Variants in MTBP observed in about 807,000 individuals in gnomAD.
MTBP encodes the protein mdm2-binding protein.
In MTBP, 101 loss-of-function variants were observed where a neutral mutation model predicts 117.0. The ratio of observed to expected loss-of-function variants is 0.86; its 90% CI spans 0.73 to 1.02. The LOEUF is 1.02. MTBP is among the 50% of genes least tolerant of loss of function. The pLI, the probability that MTBP is intolerant of heterozygous loss-of-function variation, is 0.00. For synonymous variants in MTBP, 350 were observed against 351.5 expected (o/e 1.00, Z 0.05); for missense variants, 970 against 1,030.9 (o/e 0.94, Z 0.81).
intron 4 of MTBP, among the ~76,000 whole-genome samples, chr8:120,453,546 T>A (rs1385015777): frequency 6.6e-6 from 1 of 152,148 alleles, no homozygotes; most frequent in Non-Finnish European, 1.5e-5. Context: ...TAGTTATAAT[T>A]TAGGGAGTTT....
rs1302490336 is a variant in MTBP, at chr8:120,510,928, AG to A, written c.1979+900del. 1.3e-3 allele frequency among the ~76,000 whole-genome samples: 194 copies of A among 150,752 alleles called. 1 individual carries two copies. The highest frequency in any genetic ancestry group is 2.0e-3 in the Non-Finnish European group (137 of 67,582). ...TGTCTCAAGAAAAAAAAAAAAAAAA[AG>A]AATTTGAAGACTTTGAAATTAGCAG... On this transcript the variant is annotated intron_variant, in intron 17 of 21. Coordinates refer to ENST00000305949, the MANE Select transcript of MTBP (RefSeq NM_022045.5).
chr8:120,521,171 G>A (rs1815002544), intron 20 of MTBP, among the ~76,000 whole-genome samples: 1 of 152,042 alleles, frequency 6.6e-6, no homozygotes, highest in Non-Finnish European at 1.5e-5. Context: ...ATACTTCAGG[G>A]CTTGAAAAAA....
chr8:120,479,333 G>T (rs981621277), intron 11 of MTBP, among the ~76,000 whole-genome samples: 2 of 152,138 alleles, frequency 1.3e-5, no homozygotes, highest in African/African-American at 4.8e-5. Context: ...CAGTACAAGT[G>T]ATCTATAAAT....
intron 18 of MTBP, 110 bp downstream of exon 18, chr8:120,516,301 A>G: frequency 3.0e-6 from 3 of 1,013,908 alleles, no homozygotes; most frequent in Non-Finnish European, 4.2e-6. Context: ...CATGGCAAGA[A>G]GTTTGTTTTA....
chr8:120,503,203 T>C (rs964607476), intron 15 of MTBP, among the ~76,000 whole-genome samples: 1 of 152,200 alleles, frequency 6.6e-6, no homozygotes, highest in Admixed American at 6.5e-5. Flanking sequence ...ATGGGTAGTA[T>C]TTTATTACTT....
At chr8:120,516,716 A>G (rs1313001831) in intron 18 of MTBP, among the ~76,000 whole-genome samples, 1 of 152,072 alleles carries the variant, frequency 6.6e-6, no homozygotes, top group Non-Finnish European at 1.5e-5. Context: ...CTTGATCAGA[A>G]GTTAGAAGTT....
rs188476660 is a variant in MTBP, at chr8:120,476,232, G to T, written c.1165+5295G>T. The stretch of plus-strand genomic sequence containing the variant: ...CCCTTCATGCTAAAACTCTCAATAA[G>T]CTAGGTATTGATGGAACATATCTCA... On this transcript the variant is annotated intron_variant, in intron 11 of 21. Coordinates refer to ENST00000305949, the MANE Select transcript of MTBP (RefSeq NM_022045.5). Among the ~76,000 whole-genome samples, 27 of 152,046 alleles carry T rather than the reference G, an allele frequency of 1.8e-4. 1 individual carries two copies. The East Asian group carries it at 4.6e-3, about 26-fold the overall frequency.
intron 9 of MTBP, 40 bp downstream of exon 9, chr8:120,461,295 C>G (rs1234430352): frequency 7.3e-7 from 1 of 1,370,102 alleles, no homozygotes. Context: ...ATTACATTTT[C>G]TGTGTCAGGT....
chr8:120,449,534 C>T (rs564130547), intron 2 of MTBP, among the ~76,000 whole-genome samples: 1 of 152,014 alleles, frequency 6.6e-6, no homozygotes, highest in Non-Finnish European at 1.5e-5. Context: ...GGCAAAAAAA[C>T]CCAATTATTT....
chr8:120,462,851 T>C (rs1434327669), intron 9 of MTBP, among the ~76,000 whole-genome samples: 1 of 152,184 alleles, frequency 6.6e-6, no homozygotes, highest in Non-Finnish European at 1.5e-5. Context: ...TGTTCTACCC[T>C]AAATATTGGG....
intron 13 of MTBP, among the ~76,000 whole-genome samples, chr8:120,493,711 G>A (rs1369355397): frequency 1.3e-5 from 2 of 151,966 alleles, no homozygotes; most frequent in Admixed American, 6.6e-5. Flanking sequence ...GGCTGGTCTC[G>A]AACTCTGGAC....
chr8:120,503,792 A>C lies in MTBP; in HGVS notation c.1727+1183A>C, dbSNP rs564663414. On this transcript the variant is annotated intron_variant, in intron 15 of 21. Transcript: ENST00000305949. Reference sequence around the variant, plus strand: ...AACTAGAGCAGTAGTAGTGGAAATAAATTTGGGAGATAACGTTAGTGGTAA... The same window carrying C: ...AACTAGAGCAGTAGTAGTGGAAATACATTTGGGAGATAACGTTAGTGGTAA... Among the ~76,000 whole-genome samples the C allele has an allele frequency of 2.6e-5, 4 of 152,250 alleles. No individual in the cohort carries two copies. In the South Asian group the frequency reaches 8.3e-4, roughly 32 times the overall value.
chr8:120,513,199 T>G (rs545359169), intron 17 of MTBP, among the ~76,000 whole-genome samples: 36 of 152,230 alleles, frequency 2.4e-4, no homozygotes, highest in Admixed American at 4.6e-4. Context: ...CAGGCTCTCA[T>G]TGCTTTGAAA....
chr8:120,480,777 A>G (rs1316052196), intron 11 of MTBP, among the ~76,000 whole-genome samples: 1 of 152,188 alleles, frequency 6.6e-6, no homozygotes, highest in Non-Finnish European at 1.5e-5. Flanking sequence ...AGCTAAAATT[A>G]TAAAGCTTTT....
rs1563785011 is a variant in MTBP, at chr8:120,456,646, G to A, written c.723G>A (p.Gly241=). 1.3e-6 allele frequency: 2 copies of A among 1,583,330 alleles called. No individual in the cohort carries two copies. Among genetic ancestry groups the A allele is most frequent in the Admixed American group, 3.4e-5 (2 of 58,114 alleles). ...NVIDSKELWR[G]KIQIWERKFG... ...TTGACTCAAAGGAATTATGGAGGGG[G>A]AAAATACAGATATGGGAAAGAAAGG... Residue 241 remains glycine (G), a synonymous_variant, in exon 7 of 22, where the codon GGG becomes GGA. Transcript: ENST00000305949.
intron 9 of MTBP, among the ~76,000 whole-genome samples, chr8:120,462,550 A>T (rs1041564739): frequency 6.6e-6 from 1 of 152,154 alleles, no homozygotes; most frequent in Non-Finnish European, 1.5e-5. Flanking sequence ...TCCATTATAC[A>T]TTACTGTTGA....
At position 120,471,178 on chromosome 8, in the gene MTBP, G is replaced by C. The variant is rs575461387; in HGVS notation, c.1165+241G>C. 4 of 342,462 alleles carry C rather than the reference G, an allele frequency of 1.2e-5. No individual in the cohort carries two copies. The Admixed American group carries it at 1.9e-4, about 16-fold the overall frequency. The allele number at this position is 342,462 out of a possible 1,614,324, so 21.2% of individuals were successfully genotyped here. On this transcript the variant is annotated intron_variant, in intron 11 of 21. Coordinates refer to ENST00000305949, the MANE Select transcript of MTBP (RefSeq NM_022045.5). ...GGCAGAACTCTTGGTTCATTAGATA[G>C]CTAATTATACTGAACATGGGTTTTT...
At position 120,445,548 on chromosome 8, in the gene MTBP, G is replaced by A. The variant is rs1177853863; in HGVS notation, c.78G>A (p.Gly26=). Residue 26 remains glycine, a synonymous_variant, in exon 1 of 22, where the codon GGG becomes GGA. Transcript: ENST00000305949. ...CGGCCAGTAGGGAGGCAGAACATGG[G>A]CCAGAGGTGTCGTCGGGTGAGGGTA... ...PSAASREAEH[G]PEVSSGEGTE... is the part of the protein sequence containing the mutation. 1.2e-6 allele frequency: 2 copies of A among 1,613,484 alleles called. No homozygotes were observed. Among genetic ancestry groups the A allele is most frequent in the Admixed American group, 1.7e-5 (1 of 59,826 alleles).
intron 14 of MTBP, among the ~76,000 whole-genome samples, chr8:120,498,038 C>T (rs761677122): frequency 7.9e-5 from 12 of 152,116 alleles, no homozygotes; most frequent in African/African-American, 2.2e-4. Context: ...TATTTCTTTC[C>T]GCTTTCCTGA....
Sources: gnomAD v4.1 joint callset for allele counts (sites outside exome capture counted in the v4.1 genomes callset) on GRCh38, gnomAD v4.1.1 for gene constraint, MANE v1.5 for transcripts, NCBI Gene and HGNC (gene_info 2026-07-23, HGNC 2026-07-21) for gene names.